KBTBD12: variants seen among roughly 807,000 people sequenced by gnomAD.
KBTBD12 encodes the protein kelch repeat and BTB domain-containing protein 12.
A neutral mutation model predicts 58.7 loss-of-function variants in KBTBD12; 53 were observed. The observed-to-expected ratio is 0.90, with a 90% confidence interval of 0.72 to 1.14. KBTBD12 has a LOEUF of 1.14. Ranked by LOEUF, KBTBD12 falls within the 50% of genes most tolerant of loss-of-function variation. KBTBD12 has a pLI of 0.00. For missense variants in KBTBD12, 704 were observed against 751.3 expected, an observed-to-expected ratio of 0.94 and a Z score of 0.74; for synonymous variants, 236 against 259.8, an observed-to-expected ratio of 0.91 and a Z score of 0.88.
At chr3:127,972,157 A>G (rs1404602501) in intron 5 of KBTBD12, among the ~76,000 whole-genome samples, 1 of 152,212 alleles carries the variant, frequency 6.6e-6, no homozygotes, top group East Asian at 1.9e-4. Context: ...AATTTATTTG[A>G]TTCTCTCAAC....
rs191865787 is a variant in KBTBD12, at chr3:127,964,660, A to G, written c.1690+1274A>G. ...CATCTCAAAAAAAAAAAAAAAAAAG[A>G]AAGAAAAAGAATTTGTGGATGAAAA... On this transcript the variant is annotated intron_variant, in intron 5 of 5. Coordinates refer to ENST00000405109, the MANE Select transcript of KBTBD12 (RefSeq NM_207335.4). Among the ~76,000 whole-genome samples, 1,247 of 150,036 alleles carry G rather than the reference A, an allele frequency of 8.3e-3. 16 individuals carry two copies. The highest frequency in any genetic ancestry group is 0.027 in the African/African-American group (1,117 of 40,800).
chr3:127,934,405 G>C (rs1939777030), intron 4 of KBTBD12, among the ~76,000 whole-genome samples: 1 of 152,084 alleles, frequency 6.6e-6, no homozygotes, highest in African/African-American at 2.4e-5. Context: ...ATCTGAAGAA[G>C]AGAGAAAAAA....
chr3:127,963,282 A>T lies in KBTBD12; in HGVS notation c.1586A>T (p.Glu529Val), dbSNP rs771593545. ...AACCCAGATGGGGACTTTTGGCGAG[A>T]GGGCCCTCCCATGCCAAGTCCCCTC... ...IYNPDGDFWR[E>V]GPPMPSPLLS... Residue 529 changes from glutamate (E) to valine (V), a missense_variant, in exon 5 of 6, where the codon GAG becomes GTG. Coordinates refer to ENST00000405109, the MANE Select transcript of KBTBD12 (RefSeq NM_207335.4). 2.5e-6 allele frequency: 4 copies of T among 1,612,110 alleles called. No homozygotes were observed. The Admixed American group carries it at 5.0e-5, about 20-fold the overall frequency.
chr3:127,938,297 G>A (rs887719997), intron 4 of KBTBD12, among the ~76,000 whole-genome samples: 70 of 152,194 alleles, frequency 4.6e-4, no homozygotes, highest in African/African-American at 1.7e-3. Flanking sequence ...TTGGGACAGG[G>A]GTGAGTGGAG....
chr3:127,958,870 C>T (rs1237033155), intron 4 of KBTBD12, among the ~76,000 whole-genome samples: 1 of 152,130 alleles, frequency 6.6e-6, no homozygotes, highest in East Asian at 1.9e-4. Context: ...GGAGAATGGC[C>T]ACAGTACATG....
At position 127,923,206 on chromosome 3, in the gene KBTBD12, C is replaced by A. The variant is rs1277000505; in HGVS notation, c.145C>A (p.Leu49Met). 2 of 1,613,814 alleles carry A rather than the reference C, an allele frequency of 1.2e-6. No homozygotes were observed. The highest frequency in any genetic ancestry group is 1.7e-6 in the Non-Finnish European group (2 of 1,179,756). The stretch of plus-strand genomic sequence containing the variant: ...GAAATTTCCTTGCCACAGACTGGTC[C>A]TGGCTGCATTTAGCCCTTATTTCAA... ...GEKFPCHRLV[L>M]AAFSPYFKAM... Residue 49 changes from leucine to methionine, a missense_variant, in exon 2 of 6, where the codon CTG becomes ATG. Leu to Met is a conservative substitution (Grantham distance 15, BLOSUM62 2). Coordinates refer to ENST00000405109, the MANE Select transcript of KBTBD12 (RefSeq NM_207335.4).
At chr3:127,966,624 G>A (rs1444204427) in intron 5 of KBTBD12, among the ~76,000 whole-genome samples, 2 of 152,194 alleles carry the variant, frequency 1.3e-5, no homozygotes, top group African/African-American at 4.8e-5. Flanking sequence ...GAGAAGTTGA[G>A]GCCAGGAGGT....
Position 127,986,186 on chromosome 3 carries a change from C to A in KBTBD12, c.*1908C>A, listed in dbSNP as rs951929107. On this transcript the variant is annotated 3_prime_UTR_variant, in exon 6 of 6. Coordinates refer to ENST00000405109, the MANE Select transcript of KBTBD12 (RefSeq NM_207335.4). The stretch of plus-strand genomic sequence containing the variant: ...GGTTCAAGATCTGGGTTCCAGCCCC[C>A]GCTCTGCTACTTAGCTAACCATGTG... 6.6e-6 allele frequency: 1 copy of A among 152,610 alleles called. No individual in the cohort carries two copies. The allele number at this position is 152,610 out of a possible 1,614,324, so 9.5% of individuals were successfully genotyped here.
At chr3:127,955,598 G>C (rs1940303135) in intron 4 of KBTBD12, among the ~76,000 whole-genome samples, 2 of 152,246 alleles carry the variant, frequency 1.3e-5, no homozygotes, top group Non-Finnish European at 2.9e-5. Flanking sequence ...GGCAGATTCA[G>C]AGTCAGTGAG....
At chr3:127,975,422 A>T (rs917587649) in intron 5 of KBTBD12, among the ~76,000 whole-genome samples, 1 of 152,180 alleles carries the variant, frequency 6.6e-6, no homozygotes, top group African/African-American at 2.4e-5. Flanking sequence ...AGTCTCTTCT[A>T]TGGCACCCTA....
chr3:127,971,484 C>T (rs531954771), intron 5 of KBTBD12, among the ~76,000 whole-genome samples: 3 of 152,302 alleles, frequency 2.0e-5, no homozygotes, highest in East Asian at 3.9e-4. Context: ...CAGCTGTTGG[C>T]CCTTTGAGAC....
intron 4 of KBTBD12, among the ~76,000 whole-genome samples, chr3:127,953,219 G>A (rs973775709): frequency 7.9e-5 from 12 of 152,140 alleles, no homozygotes; most frequent in African/African-American, 2.9e-4. Flanking sequence ...GTGCTTTAGT[G>A]TCCTAATAAT....
chr3:127,983,876 C>A (rs150806721), intron 5 of KBTBD12, among the ~76,000 whole-genome samples: 1 of 152,304 alleles, frequency 6.6e-6, no homozygotes, highest in East Asian at 1.9e-4. Context: ...AAGGCTCCCA[C>A]CAGATGCAGA....
At chr3:127,978,772 T>C (rs186152112) in intron 5 of KBTBD12, among the ~76,000 whole-genome samples, 18 of 152,318 alleles carry the variant, frequency 1.2e-4, no homozygotes, top group African/African-American at 4.3e-4. Flanking sequence ...TCCATCTTGG[T>C]CTACTGGCCA....
chr3:127,962,515 A>G (rs976641118), intron 4 of KBTBD12, among the ~76,000 whole-genome samples: 3 of 152,122 alleles, frequency 2.0e-5, no homozygotes, highest in Non-Finnish European at 2.9e-5. Flanking sequence ...TTTCCATCCT[A>G]TTAATTTCTT....
intron 4 of KBTBD12, among the ~76,000 whole-genome samples, chr3:127,962,142 T>G (rs1940453527): frequency 6.6e-6 from 1 of 152,166 alleles, no homozygotes; most frequent in Non-Finnish European, 1.5e-5. Flanking sequence ...TGAGTCTGGA[T>G]AGAATGAGGT....
chr3:127,933,824 T>A (rs962568794), intron 4 of KBTBD12, among the ~76,000 whole-genome samples: 1 of 152,042 alleles, frequency 6.6e-6, no homozygotes, highest in African/African-American at 2.4e-5. Context: ...ATAAAAATGA[T>A]AATTTCTGAA....
At chr3:127,956,520 G>A (rs1559770005) in intron 4 of KBTBD12, among the ~76,000 whole-genome samples, 2 of 151,964 alleles carry the variant, frequency 1.3e-5, no homozygotes, top group East Asian at 3.9e-4. Context: ...AAACATGAGT[G>A]GGTATCCAAA....
intron 1 of KBTBD12, among the ~76,000 whole-genome samples, chr3:127,916,505 C>A (rs531384189): frequency 6.6e-6 from 1 of 152,062 alleles, no homozygotes; most frequent in African/African-American, 2.4e-5. Context: ...TAATGACTGT[C>A]CCTCAGGTCT....
Sources: allele counts gnomAD v4.1 joint callset (sites outside exome capture counted in the v4.1 genomes callset), GRCh38; gene constraint gnomAD v4.1.1; transcripts MANE v1.5; gene names NCBI Gene and HGNC (gene_info 2026-07-23, HGNC 2026-07-21).